ADGRV1: variants seen among roughly 807,000 people sequenced by gnomAD.
ADGRV1 encodes adhesion G protein-coupled receptor V1, also known as G-protein coupled receptor 98.
ADGRV1 carries 359 observed loss-of-function variants against 596.2 expected under a neutral mutation model. That is an observed-to-expected ratio of 0.60 (90% CI 0.55 to 0.66). The LOEUF is 0.66. Among genes scored for constraint, ADGRV1 ranks in the 30% least tolerant of loss-of-function variants. ADGRV1 has a pLI of 0.00. For synonymous variants in ADGRV1, 2,681 were observed against 2,679.2 expected, an observed-to-expected ratio of 1.00 and a Z score of -0.02; for missense variants, 7,274 against 7,575.6, an observed-to-expected ratio of 0.96 and a Z score of 1.48.
At position 90,774,219 on chromosome 5, in the gene ADGRV1, C is replaced by T. The variant is rs1406605054; in HGVS notation, c.12319C>T (p.Leu4107Phe). 3 of 1,610,718 alleles carry T rather than the reference C, an allele frequency of 1.9e-6. No homozygotes were observed. The highest frequency in any genetic ancestry group is 2.5e-6 in the Non-Finnish European group (3 of 1,177,322). The change falls in exon 60 of 90, where the codon CTT (leucine) becomes TTT (phenylalanine). Residue 4107 changes from leucine to phenylalanine, a missense_variant. By Grantham distance (22) the Leu-to-Phe change is conservative (BLOSUM62 0). Coordinates refer to ENST00000405460, the MANE Select transcript of ADGRV1 (RefSeq NM_032119.4). ...CCAGAAGACCATTGTGTTGCACACA[C>T]TTCAAGACACAGTGTTGGAGGAGGA... ...ESQKTIVLHT[L>F]QDTVLEEDRR... is the part of the protein sequence containing the mutation.
intron 87 of ADGRV1, among the ~76,000 whole-genome samples, chr5:91,130,153 G>T (rs1028314200): frequency 6.6e-6 from 1 of 151,600 alleles, no homozygotes; most frequent in Non-Finnish European, 1.5e-5. Flanking sequence ...TAGGAAAAAA[G>T]GGATATTTCC....
intron 78 of ADGRV1, among the ~76,000 whole-genome samples, chr5:90,843,749 C>A (rs982348215): frequency 7.2e-5 from 11 of 152,032 alleles, no homozygotes; most frequent in African/African-American, 2.7e-4. Flanking sequence ...AACATTTTTG[C>A]AAATACACGT....
chr5:91,001,419 C>T (rs1196630438), intron 85 of ADGRV1, among the ~76,000 whole-genome samples: 1 of 152,078 alleles, frequency 6.6e-6, no homozygotes, highest in Non-Finnish European at 1.5e-5. Context: ...AGTATTATGT[C>T]ATATTTCAAG....
chr5:90,587,191 A>G (rs751793341), intron 1 of ADGRV1, among the ~76,000 whole-genome samples: 3 of 152,124 alleles, frequency 2.0e-5, no homozygotes, highest in Non-Finnish European at 4.4e-5. Context: ...TCTTTAGCCA[A>G]TGGGAACGCT....
chr5:91,108,622 T>G (rs1272308760), intron 87 of ADGRV1, among the ~76,000 whole-genome samples: 1 of 152,108 alleles, frequency 6.6e-6, no homozygotes, highest in Non-Finnish European at 1.5e-5. Flanking sequence ...TGAGACAGGG[T>G]CTCGTTGTTT....
At chr5:90,956,130 T>A (rs1267617294) in intron 83 of ADGRV1, among the ~76,000 whole-genome samples, 3 of 152,154 alleles carry the variant, frequency 2.0e-5, no homozygotes. Flanking sequence ...AGGAATTCCA[T>A]AAGAAAGTTG....
chr5:90,785,277 T>C (rs1348043027), intron 67 of ADGRV1, among the ~76,000 whole-genome samples: 2 of 152,210 alleles, frequency 1.3e-5, no homozygotes, highest in East Asian at 1.9e-4. Flanking sequence ...AAGACTTAAA[T>C]GTTAGACCTA....
At position 90,753,710 on chromosome 5, in the gene ADGRV1, G is replaced by T. The variant is rs1175011743; in HGVS notation, c.11258G>T (p.Gly3753Val). 1.9e-6 allele frequency: 3 copies of T among 1,613,610 alleles called. No homozygotes were observed. Among genetic ancestry groups the T allele is most frequent in the African/African-American group, 2.7e-5 (2 of 74,986 alleles). ...GAAGGGGTTGAGGACTCATACAAAG[G>T]TGCTACTATTGATCAGGACAGAAGC... Reference protein sequence around the residue: ...TTEGVEDSYKGATIDQDRSKS... With the variant: ...TTEGVEDSYKVATIDQDRSKS... Residue 3753 changes from glycine (G) to valine (V), a missense_variant, in exon 54 of 90, where the codon GGT becomes GTT. Physicochemically the swap from Gly to Val is moderately radical, Grantham distance 109. This residue lies in a region of ADGRV1 where 3,643 missense variants were observed against 3,809.2 expected (regional missense o/e 0.96). Transcript: ENST00000405460.
chr5:90,693,792 T>C, intron 32 of ADGRV1, 98 bp from the exon 33 acceptor site: 1 of 906,546 alleles, frequency 1.1e-6, no homozygotes, highest in South Asian at 2.1e-5. Flanking sequence ...TTTAAACATT[T>C]TTTTAAAAAA....
At chr5:91,036,941 A>T (rs1203599915) in intron 85 of ADGRV1, among the ~76,000 whole-genome samples, 2 of 152,054 alleles carry the variant, frequency 1.3e-5, no homozygotes, top group Non-Finnish European at 2.9e-5. Flanking sequence ...GTTGCCAGGG[A>T]CTCTGATGGA....
Position 90,829,080 on chromosome 5 carries a change from TG to T in ADGRV1, c.16508del (p.Gly5503ValfsTer13). 1 of 1,612,984 alleles carries T rather than the reference TG, an allele frequency of 6.2e-7. No individual in the cohort carries two copies. The highest frequency in any genetic ancestry group is 8.5e-7 in the Non-Finnish European group (1 of 1,179,232). ...TCTCAAAGCCTTGTGTATTTTTCTG[TG>T]GGTTCTCGGCTGGCAGTGGCTCACA... ...DESQSLVYFS[V>X]GSRLAVAHKK... On this transcript the variant is annotated frameshift_variant, in exon 77 of 90. Coordinates refer to ENST00000405460, the MANE Select transcript of ADGRV1 (RefSeq NM_032119.4). LOFTEE classifies it high-confidence loss of function.
Position 90,672,553 on chromosome 5 carries a change from A to C in ADGRV1, c.4760A>C (p.Glu1587Ala). Residue 1587 changes from glutamate (E) to alanine (A), a missense_variant, in exon 22 of 90, where the codon GAG (glutamate) becomes GCG (alanine). Transcript: ENST00000405460. ...FTGACIPEIA[E>A]EGSTISCVVE... is the part of the protein sequence containing the mutation. Reference sequence around the variant, plus strand: ...ATTTACATTCAATTTCAGATTGCAGAGGAGGGATCAACCATTTCTTGTGTG... The same window carrying C: ...ATTTACATTCAATTTCAGATTGCAGCGGAGGGATCAACCATTTCTTGTGTG... 6.2e-7 allele frequency: 1 copy of C among 1,613,114 alleles called. No homozygotes were observed. The highest frequency in any genetic ancestry group is 8.5e-7 in the Non-Finnish European group (1 of 1,179,328).
At chr5:91,038,562 T>C (rs770089752) in intron 85 of ADGRV1, among the ~76,000 whole-genome samples, 4 of 152,200 alleles carry the variant, frequency 2.6e-5, no homozygotes, top group Non-Finnish European at 5.9e-5. Flanking sequence ...TGATTTCATC[T>C]AGAGGGAGAA....
intron 86 of ADGRV1, among the ~76,000 whole-genome samples, chr5:91,089,050 A>G (rs1293631289): frequency 1.3e-5 from 2 of 151,996 alleles, no homozygotes; most frequent in Non-Finnish European, 2.9e-5. Context: ...GCAATAAGAT[A>G]TTAGTTCACT....
chr5:90,704,016 A>T (rs1748258085), intron 35 of ADGRV1, among the ~76,000 whole-genome samples: 1 of 152,070 alleles, frequency 6.6e-6, no homozygotes. Context: ...TGAGTAGTAC[A>T]TTGGACTTTT....
intron 77 of ADGRV1, among the ~76,000 whole-genome samples, chr5:90,832,553 G>C (rs139255118): frequency 2.0e-5 from 3 of 152,232 alleles, no homozygotes; most frequent in East Asian, 1.9e-4. Context: ...TCTGTGGGCT[G>C]TCTCTTCACT....
At chr5:90,873,105 C>A (rs1382425866) in intron 83 of ADGRV1, among the ~76,000 whole-genome samples, 1 of 152,186 alleles carries the variant, frequency 6.6e-6, no homozygotes, top group Non-Finnish European at 1.5e-5. Context: ...GAACTTTAAG[C>A]TCCCAAGGGA....
chr5:90,714,325 C>T (rs778277375), intron 42 of ADGRV1, among the ~76,000 whole-genome samples: 1 of 149,890 alleles, frequency 6.7e-6, no homozygotes, highest in East Asian at 1.9e-4. Context: ...TATGTACTTT[C>T]CTGTGGTTTT....
chr5:90,926,375 C>T (rs964290656), intron 83 of ADGRV1, among the ~76,000 whole-genome samples: 10 of 149,756 alleles, frequency 6.7e-5, no homozygotes, highest in Admixed American at 2.7e-4. Context: ...GTGTATGTGT[C>T]GAGGAATTTA....
Sources: allele counts gnomAD v4.1 joint callset (sites outside exome capture counted in the v4.1 genomes callset), GRCh38; gene constraint gnomAD v4.1.1; regional missense constraint gnomAD v4.1.1; transcripts MANE v1.5; gene names NCBI Gene and HGNC (gene_info 2026-07-23, HGNC 2026-07-21).